Variants in CCDC63 observed in about 807,000 individuals in gnomAD.
CCDC63 encodes the protein coiled-coil domain-containing protein 63.
Under a neutral mutation model 63.6 loss-of-function variants are expected in CCDC63, and 54 were observed. The observed-to-expected ratio is 0.85, with a 90% CI of 0.68 to 1.07. The LOEUF (loss-of-function observed/expected upper bound fraction) is 1.07, where lower values mean the gene tolerates loss of function less well. Among genes scored for constraint, CCDC63 ranks in the 50% least tolerant of loss-of-function variants. The probability of loss-of-function intolerance (pLI) is 0.00; values close to 1 mark genes in which losing one functional copy is unlikely to be tolerated. For synonymous variants in CCDC63, 253 were observed against 266.1 expected, an observed-to-expected ratio of 0.95 and a Z score of 0.48; for missense variants, 637 against 689.6, an observed-to-expected ratio of 0.92 and a Z score of 0.86.
intron 8 of CCDC63, among the ~76,000 whole-genome samples, chr12:110,891,649 AAAAAAAG>A (rs1378451926): frequency 3.3e-5 from 5 of 151,452 alleles, no homozygotes; most frequent in Middle Eastern, 3.4e-3. Context: ...AAAAAAAAAA[AAAAAAAG>A]AAGAAGAAGA....
chr12:110,902,876 C>A (rs183474792), intron 10 of CCDC63, among the ~76,000 whole-genome samples: 68 of 144,194 alleles, frequency 4.7e-4, no homozygotes, highest in Middle Eastern at 3.6e-3. Flanking sequence ...CGACACCACG[C>A]CCGGCTAATT....
Position 110,904,791 on chromosome 12 carries a change from G to T in CCDC63, c.1546G>T (p.Val516Leu). 2 of 1,604,936 alleles carry T rather than the reference G, an allele frequency of 1.2e-6. No homozygotes were observed. The highest frequency in any genetic ancestry group is 1.7e-6 in the Non-Finnish European group (2 of 1,176,162). ...ADPFSDRLDD[V>L]EQPLDHSSLR... Reference sequence around the variant, plus strand: ...CCCCTTCAGCGACAGGTTGGATGATGGTGAGTTCTCTCTCTCTCAATCTGC... The same window carrying T: ...CCCCTTCAGCGACAGGTTGGATGATTGTGAGTTCTCTCTCTCTCAATCTGC... The change falls in exon 11 of 12, where the codon GTG becomes TTG. Residue 516 changes from valine (V) to leucine (L), a missense_variant and splice_region_variant. Val to Leu is a conservative substitution (Grantham distance 32, BLOSUM62 1). Coordinates refer to ENST00000308208, the MANE Select transcript of CCDC63 (RefSeq NM_152591.3).
chr12:110,889,471 A>G lies in CCDC63; in HGVS notation c.1075-3605A>G, dbSNP rs1475301161. Among the ~76,000 whole-genome samples the G allele has an allele frequency of 6.6e-6, 1 of 152,154 alleles. No homozygotes were observed. Among genetic ancestry groups the G allele is most frequent in the African/African-American group, 2.4e-5 (1 of 41,436 alleles). On this transcript the variant is annotated intron_variant, in intron 8 of 11. Coordinates refer to ENST00000308208, the MANE Select transcript of CCDC63 (RefSeq NM_152591.3). This position sits in a 1 kb window ranked among gnomAD's most constrained non-coding sequence, Gnocchi z 4.1. ...AAGATCTGAGTGAACTTACAGGTGA[A>G]GGATTGAGCTGTCCAGATCTCTGGG... is the stretch of plus-strand genomic sequence containing the variant.
At chr12:110,888,578 A>G (rs2071313958) in intron 8 of CCDC63, among the ~76,000 whole-genome samples, 1 of 152,184 alleles carries the variant, frequency 6.6e-6, no homozygotes, top group South Asian at 2.1e-4. Context: ...ATGCCTGTTG[A>G]ATAAGTCCAG....
At chr12:110,857,711 G>C (rs989211767) in intron 3 of CCDC63, among the ~76,000 whole-genome samples, 1 of 151,790 alleles carries the variant, frequency 6.6e-6, no homozygotes, top group African/African-American at 2.4e-5. Flanking sequence ...AAATCCCCCT[G>C]TTTTCCCACA....
At chr12:110,851,958 G>C (rs1198943369) in intron 1 of CCDC63, among the ~76,000 whole-genome samples, 4 of 152,150 alleles carry the variant, frequency 2.6e-5, no homozygotes. Flanking sequence ...CACAACCAAT[G>C]CTTTAAACCA....
At chr12:110,895,626 C>T (rs2071408218) in intron 9 of CCDC63, among the ~76,000 whole-genome samples, 1 of 152,192 alleles carries the variant, frequency 6.6e-6, no homozygotes, top group South Asian at 2.1e-4. Context: ...AAGTCACTTC[C>T]TAGCTCTGTG....
At chr12:110,865,068 C>T (rs1402334545) in intron 4 of CCDC63, among the ~76,000 whole-genome samples, 3 of 152,104 alleles carry the variant, frequency 2.0e-5, no homozygotes, top group African/African-American at 7.2e-5. Flanking sequence ...ACATCCCTTC[C>T]CAATAGAGAG....
At chr12:110,861,809 TG>T (rs2070857538) in intron 4 of CCDC63, among the ~76,000 whole-genome samples, 1 of 151,116 alleles carries the variant, frequency 6.6e-6, no homozygotes, top group Non-Finnish European at 1.5e-5. Flanking sequence ...TGACCTCAAG[TG>T]ATCTGCCCTC....
chr12:110,882,533 C>G (rs905436465), intron 7 of CCDC63, among the ~76,000 whole-genome samples: 3 of 151,756 alleles, frequency 2.0e-5, no homozygotes, highest in African/African-American at 7.3e-5. Context: ...TTGCGCCACT[C>G]CAGCCTGGGT....
At chr12:110,895,710 A>T (rs983931239) in intron 9 of CCDC63, among the ~76,000 whole-genome samples, 2 of 152,094 alleles carry the variant, frequency 1.3e-5, no homozygotes, top group African/African-American at 4.8e-5. Context: ...AATCATACCT[A>T]CTTCTTAGGG....
At chr12:110,870,204 T>G (rs2071046518) in intron 4 of CCDC63, among the ~76,000 whole-genome samples, 1 of 152,258 alleles carries the variant, frequency 6.6e-6, no homozygotes, top group Non-Finnish European at 1.5e-5. Flanking sequence ...TTCCTCAACC[T>G]CCCAAGTAGC....
In CCDC63 at chr12:110,873,858, A is replaced by G; in HGVS notation, c.386A>G (p.Lys129Arg). The part of the protein sequence containing the change: ...ELDEKILQME[K>R]KIANQKQIFA... Reference sequence around the variant, plus strand: ...CTTTTTCAGATTCTTCAGATGGAAAAAAAAATCGCAAACCAAAAACAGATT... The same window carrying G: ...CTTTTTCAGATTCTTCAGATGGAAAGAAAAATCGCAAACCAAAAACAGATT... Residue 129 changes from lysine to arginine, a missense_variant, in exon 5 of 12, where the codon AAA becomes AGA. Transcript: ENST00000308208. The G allele has an allele frequency of 6.2e-7, 1 of 1,613,380 alleles. No individual in the cohort carries two copies. The highest frequency in any genetic ancestry group is 1.1e-5 in the South Asian group (1 of 90,984).
At chr12:110,847,234 C>T (rs1344619346) in intron 1 of CCDC63, 129 bp downstream of exon 1, 1 of 152,348 alleles carries the variant, frequency 6.6e-6, no homozygotes, top group Non-Finnish European at 1.5e-5. Flanking sequence ...GTATCAGGGT[C>T]TCCCGCAATC....
At chr12:110,884,738 G>C (rs745546709) in intron 8 of CCDC63, among the ~76,000 whole-genome samples, 8 of 152,010 alleles carry the variant, frequency 5.3e-5, no homozygotes, top group Non-Finnish European at 8.8e-5. Context: ...CCAGGCTGGA[G>C]TGCAGTGGCA....
At chr12:110,888,632 G>T (rs972074024) in intron 8 of CCDC63, among the ~76,000 whole-genome samples, 5 of 152,146 alleles carry the variant, frequency 3.3e-5, no homozygotes, top group Non-Finnish European at 5.9e-5. Context: ...TGCAAAAAAT[G>T]TTATAGGACA....
At chr12:110,867,128 AC>A (rs1411166456) in intron 4 of CCDC63, among the ~76,000 whole-genome samples, 50 of 88,076 alleles carry the variant, frequency 5.7e-4, no homozygotes, top group Middle Eastern at 7.7e-3. Flanking sequence ...AGGGGGGCTG[AC>A]CCCCCCCACC....
intron 5 of CCDC63, among the ~76,000 whole-genome samples, chr12:110,879,506 A>G (rs938235576): frequency 2.0e-4 from 31 of 151,326 alleles, no homozygotes; most frequent in African/African-American, 6.8e-4. Flanking sequence ...GCCCCACCCA[A>G]TTTTTTTTTC....
chr12:110,884,595 C>T (rs1015861425), intron 8 of CCDC63, among the ~76,000 whole-genome samples: 2 of 152,082 alleles, frequency 1.3e-5, no homozygotes, highest in African/African-American at 2.4e-5. Context: ...AGGCTGGTCT[C>T]GAACTCCTGA....
Sources: allele counts gnomAD v4.1 joint callset (sites outside exome capture counted in the v4.1 genomes callset), GRCh38; gene constraint gnomAD v4.1.1; non-coding constraint Gnocchi (gnomAD v3.1); transcripts MANE v1.5; gene names NCBI Gene and HGNC (gene_info 2026-07-23, HGNC 2026-07-21).